The following PCBP3 variants were observed in gnomAD, a reference collection of about 807,000 sequenced individuals.
The protein encoded by PCBP3 is poly(rC) binding protein 3.
A neutral mutation model predicts 52.7 loss-of-function variants in PCBP3; 25 were observed. The ratio of observed to expected loss-of-function variants is 0.47; its 90% CI spans 0.35 to 0.66. The LOEUF (loss-of-function observed/expected upper bound fraction) is 0.66. Ranked by LOEUF, PCBP3 falls within the 30% of genes least tolerant of loss-of-function variation. The probability of loss-of-function intolerance (pLI) is 0.01; values close to 1 mark genes in which losing one functional copy is unlikely to be tolerated. For missense variants in PCBP3, 391 were observed against 490.3 expected (o/e 0.80, Z 1.91); for synonymous variants, 162 against 183.0 (o/e 0.89, Z 0.93).
chr21:45,830,085 G>A lies in PCBP3; in HGVS notation c.-125-19876G>A, dbSNP rs1427670090. ...TTTCCCTAGGCAAGTAGGAGGCTGT[G>A]GCCCCAAGGGGATGGAGGAAGCCTT... On this transcript the variant is annotated intron_variant, in intron 4 of 17. Transcript: ENST00000681687. This position sits in a 1 kb window ranked among gnomAD's most constrained non-coding sequence, Gnocchi z 4.4. The A allele has an allele frequency of 6.5e-6, 1 of 152,732 alleles. No individual in the cohort carries two copies. The highest frequency in any genetic ancestry group is 1.5e-5 in the Non-Finnish European group (1 of 68,080). The allele number at this position is 152,732 out of a possible 1,614,324, so 9.5% of individuals were successfully genotyped here.
chr21:45,653,061 A>G (rs1409163449), intron 1 of PCBP3, among the ~76,000 whole-genome samples: 1 of 152,146 alleles, frequency 6.6e-6, no homozygotes, highest in East Asian at 1.9e-4. Context: ...AAACATATGC[A>G]TATTTTCTTG....
chr21:45,889,318 G>A (rs17004502), intron 5 of PCBP3, among the ~76,000 whole-genome samples: 5,461 of 152,288 alleles, frequency 0.036, 204 homozygotes, highest in East Asian at 0.13. Flanking sequence ...TGCAAAAGTC[G>A]TTAAATCACA....
intron 2 of PCBP3, among the ~76,000 whole-genome samples, chr21:45,679,737 C>T (rs2081715147): frequency 6.6e-6 from 1 of 152,130 alleles, no homozygotes; most frequent in Admixed American, 6.5e-5. Flanking sequence ...TGATGAAGTG[C>T]ATATTATCAG....
chr21:45,922,365 A>T (rs2074562503), intron 13 of PCBP3, among the ~76,000 whole-genome samples: 1 of 152,162 alleles, frequency 6.6e-6, no homozygotes, highest in Admixed American at 6.5e-5. Flanking sequence ...ACCAGGTTGG[A>T]CAAAAGAGCA....
At chr21:45,764,165 T>TG (rs1364982874) in intron 4 of PCBP3, among the ~76,000 whole-genome samples, 1 of 151,060 alleles carries the variant, frequency 6.6e-6, no homozygotes, top group African/African-American at 2.4e-5. Flanking sequence ...TCTTGTTGCC[T>TG]GGGCTGGAGT....
At chr21:45,722,271 A>G (rs887813587) in intron 2 of PCBP3, among the ~76,000 whole-genome samples, 5 of 152,208 alleles carry the variant, frequency 3.3e-5, no homozygotes, top group South Asian at 2.1e-4. Flanking sequence ...TATGTGACAT[A>G]AAATGTAAGT....
intron 4 of PCBP3, among the ~76,000 whole-genome samples, chr21:45,844,367 CT>C (rs2093761107): frequency 6.6e-6 from 1 of 152,126 alleles, no homozygotes; most frequent in African/African-American, 2.4e-5. Flanking sequence ...GTGGGTGGTG[CT>C]GCCCTGCCCT....
chr21:45,932,854 C>T (rs1310209173), intron 15 of PCBP3, among the ~76,000 whole-genome samples: 21 of 145,906 alleles, frequency 1.4e-4, no homozygotes, highest in East Asian at 4.3e-4. Context: ...TGGGCCTTGC[C>T]GTCCTGAGAT....
chr21:45,666,011 A>C (rs71324439), intron 1 of PCBP3, among the ~76,000 whole-genome samples: 26,978 of 152,200 alleles, frequency 0.18, 3,036 homozygotes, highest in Non-Finnish European at 0.25. Context: ...ACAGAATTAA[A>C]AACAAAAGCC....
chr21:45,814,152 C>G (rs1423609541), intron 4 of PCBP3, among the ~76,000 whole-genome samples: 1 of 152,226 alleles, frequency 6.6e-6, no homozygotes, highest in Non-Finnish European at 1.5e-5. Flanking sequence ...TGTTTAAACA[C>G]TTCGAAACAT....
chr21:45,921,809 A>AC (rs11428829), intron 13 of PCBP3, among the ~76,000 whole-genome samples: 71,576 of 151,396 alleles, frequency 0.47, 18,977 homozygotes, highest in African/African-American at 0.73. Flanking sequence ...ACAGAACGAG[A>AC]CCCGTTTCAA....
chr21:45,902,972 TA>T (rs2096103835), intron 9 of PCBP3, among the ~76,000 whole-genome samples: 1 of 152,220 alleles, frequency 6.6e-6, no homozygotes, highest in Non-Finnish European at 1.5e-5. Flanking sequence ...CTTCCACGAG[TA>T]CACAAATAAT....
chr21:45,732,720 A>T (rs1250505509), intron 2 of PCBP3: 1 of 152,170 alleles, frequency 6.6e-6, no homozygotes, highest in East Asian at 1.9e-4. Context: ...CAGTGATGCA[A>T]TCACAGTTCA....
At position 45,790,440 on chromosome 21, in the gene PCBP3, C is replaced by A. The variant is rs117281371; in HGVS notation, c.-126+34988C>A. Among the ~76,000 whole-genome samples, 37 of 152,266 alleles carry A rather than the reference C, an allele frequency of 2.4e-4. No individual in the cohort carries two copies. In the East Asian group the frequency reaches 6.8e-3, roughly 28 times the overall value. ...TGCCATTCAGGCAGAGCAGTGAGCA[C>A]ACAGTTGGATAGAGAGACCCAGGAG... On this transcript the variant is annotated intron_variant, in intron 4 of 17. Coordinates refer to ENST00000681687, the MANE Select transcript of PCBP3 (RefSeq NM_001384156.1).
chr21:45,897,143 A>G (rs2095854939), intron 6 of PCBP3, among the ~76,000 whole-genome samples: 2 of 152,262 alleles, frequency 1.3e-5, no homozygotes, highest in African/African-American at 2.4e-5. Context: ...TTATAGGTAC[A>G]GCCCCTTTGA....
intron 2 of PCBP3, among the ~76,000 whole-genome samples, chr21:45,712,718 A>G (rs1282160424): frequency 1.5e-5 from 2 of 134,220 alleles, no homozygotes; most frequent in Non-Finnish European, 3.2e-5. Flanking sequence ...TTTTTTTCCT[A>G]TTGAGACAGG....
Position 45,643,833 on chromosome 21 carries a change from C to T in PCBP3, c.-314C>T, listed in dbSNP as rs1322805370. On this transcript the variant is annotated 5_prime_UTR_variant, in exon 1 of 18. Transcript: ENST00000681687. Reference sequence around the variant, plus strand: ...CCGCCCGGGCCTCCCGGCCTCTCCCCGCCGGCCCGCGGGCTCGCCGTCCGG... The same window carrying T: ...CCGCCCGGGCCTCCCGGCCTCTCCCTGCCGGCCCGCGGGCTCGCCGTCCGG... 1 of 148,590 alleles carries T rather than the reference C, an allele frequency of 6.7e-6. No homozygotes were observed. The highest frequency in any genetic ancestry group is 1.5e-5 in the Non-Finnish European group (1 of 66,504). The allele number at this position is 148,590 out of a possible 1,614,324, so 9.2% of individuals were successfully genotyped here. A position where few individuals can be genotyped will look rare whatever the true frequency, so the allele number is the denominator to read the frequency against.
In PCBP3 at chr21:45,791,640, A is replaced by G. The variant is rs2146388888; in HGVS notation, c.-126+36188A>G. ...TTTCTTTTTCCAGTTGGTGGCAGTCATAAGTTAATTTCTGTCGAAGTAGAA... is the reference window on the plus strand; with the variant it reads ...TTTCTTTTTCCAGTTGGTGGCAGTCGTAAGTTAATTTCTGTCGAAGTAGAA... On this transcript the variant is annotated intron_variant, in intron 4 of 17. Coordinates refer to ENST00000681687, the MANE Select transcript of PCBP3 (RefSeq NM_001384156.1). The surrounding 1 kb of genome is among the most constrained non-coding windows in gnomAD (Gnocchi z 4.2). 6.6e-6 allele frequency among the ~76,000 whole-genome samples: 1 copy of G among 152,340 alleles called. No individual in the cohort carries two copies. The highest frequency in any genetic ancestry group is 1.9e-4 in the East Asian group (1 of 5,186).
intron 9 of PCBP3, among the ~76,000 whole-genome samples, chr21:45,902,493 T>C (rs2096084892): frequency 6.6e-6 from 1 of 152,242 alleles, no homozygotes; most frequent in African/African-American, 2.4e-5. Context: ...TGGTCAGCTG[T>C]GCTGCAGGGT....
Sources: allele counts gnomAD v4.1 joint callset (sites outside exome capture counted in the v4.1 genomes callset), GRCh38; gene constraint gnomAD v4.1.1; non-coding constraint Gnocchi (gnomAD v3.1); transcripts MANE v1.5; gene names NCBI Gene and HGNC (gene_info 2026-07-23, HGNC 2026-07-21).